Variants in KCNH1 observed in about 807,000 individuals in gnomAD.
KCNH1 encodes the protein voltage-gated delayed rectifier potassium channel KCNH1.
A neutral mutation model predicts 69.2 loss-of-function variants in KCNH1; 27 were observed. That is an observed-to-expected ratio of 0.39 (90% confidence interval 0.29 to 0.54). The LOEUF (loss-of-function observed/expected upper bound fraction) is 0.54. KCNH1 is among the 20% of genes least tolerant of loss of function. KCNH1 has a pLI of 0.68. For synonymous variants in KCNH1, 456 were observed against 487.7 expected (o/e 0.93, Z 0.86); for missense variants, 798 against 1,261.6 (o/e 0.63, Z 5.57).
At chr1:210,832,921 T>TATATACAC (rs10693882) in intron 7 of KCNH1, among the ~76,000 whole-genome samples, 1 of 144,228 alleles carries the variant, frequency 6.9e-6, no homozygotes, top group African/African-American at 2.5e-5. Context: ...TATATATATA[T>TATATACAC]ACATATAAAT....
chr1:210,757,758 T>C (rs1461346001), intron 10 of KCNH1, among the ~76,000 whole-genome samples: 2 of 152,232 alleles, frequency 1.3e-5, no homozygotes, highest in Non-Finnish European at 2.9e-5. Context: ...GCTCCATTGT[T>C]TAATTATGCA....
chr1:210,998,984 T>C (rs1689110411), intron 6 of KCNH1, among the ~76,000 whole-genome samples: 1 of 152,164 alleles, frequency 6.6e-6, no homozygotes, highest in Non-Finnish European at 1.5e-5. Context: ...AGACACAACA[T>C]ACCAGAATCT....
At chr1:210,955,273 G>T (rs556440662) in intron 6 of KCNH1, among the ~76,000 whole-genome samples, 26 of 152,254 alleles carry the variant, frequency 1.7e-4, no homozygotes, top group African/African-American at 6.3e-4. Flanking sequence ...ATCTGCTTTG[G>T]TACCAGAAGC....
intron 9 of KCNH1, among the ~76,000 whole-genome samples, chr1:210,789,135 C>T (rs1246683568): frequency 6.6e-6 from 1 of 152,152 alleles, no homozygotes; most frequent in Non-Finnish European, 1.5e-5. Flanking sequence ...GAGCAAACAA[C>T]ATTATTATAT....
chr1:210,843,246 G>T (rs754408612), intron 7 of KCNH1, among the ~76,000 whole-genome samples: 10 of 152,132 alleles, frequency 6.6e-5, no homozygotes, highest in South Asian at 4.1e-4. Flanking sequence ...TGGGAGTGGC[G>T]CTTCTAGACC....
intron 5 of KCNH1, among the ~76,000 whole-genome samples, chr1:211,027,040 C>A (rs773610512): frequency 2.2e-4 from 34 of 152,052 alleles, no homozygotes; most frequent in Non-Finnish European, 3.2e-4. Flanking sequence ...GCCAAACTTT[C>A]AATAAAAAAT....
chr1:211,069,395 G>A (rs1412627676), intron 5 of KCNH1, among the ~76,000 whole-genome samples: 1 of 151,598 alleles, frequency 6.6e-6, no homozygotes, highest in East Asian at 1.9e-4. Flanking sequence ...ACAGTTTGAA[G>A]AGACAGAGTA....
intron 7 of KCNH1, among the ~76,000 whole-genome samples, chr1:210,881,835 C>T (rs1374178559): frequency 6.6e-6 from 1 of 152,132 alleles, no homozygotes; most frequent in African/African-American, 2.4e-5. Flanking sequence ...AAAGGCTAAA[C>T]TACGGAGACA....
At chr1:210,942,043 G>A (rs1367707576) in intron 6 of KCNH1, among the ~76,000 whole-genome samples, 3 of 152,168 alleles carry the variant, frequency 2.0e-5, no homozygotes, top group Non-Finnish European at 4.4e-5. Context: ...GCCTTCTGAG[G>A]ATAAATCTCT....
intron 10 of KCNH1, among the ~76,000 whole-genome samples, chr1:210,717,676 C>T (rs1044609553): frequency 2.6e-5 from 4 of 152,130 alleles, no homozygotes; most frequent in Admixed American, 6.6e-5. Flanking sequence ...TTCTACAGAC[C>T]GGATCTGAGG....
At chr1:210,845,296 T>C (rs938241242) in intron 7 of KCNH1, among the ~76,000 whole-genome samples, 17 of 152,150 alleles carry the variant, frequency 1.1e-4, no homozygotes, top group African/African-American at 4.1e-4. Context: ...TTTAGACCAA[T>C]ATCCTTGATG....
At chr1:211,035,728 G>C (rs1309165375) in intron 5 of KCNH1, among the ~76,000 whole-genome samples, 1 of 152,172 alleles carries the variant, frequency 6.6e-6, no homozygotes, top group Non-Finnish European at 1.5e-5. Flanking sequence ...ACAGAAGATG[G>C]AAATTCCATG....
intron 7 of KCNH1, among the ~76,000 whole-genome samples, chr1:210,870,939 T>C (rs1030684504): frequency 6.6e-6 from 1 of 152,190 alleles, no homozygotes; most frequent in Non-Finnish European, 1.5e-5. Context: ...ACTTATTAGC[T>C]GGATAGCCCC....
intron 8 of KCNH1, among the ~76,000 whole-genome samples, chr1:210,798,261 G>T (rs1777246): frequency 0.011 from 1,628 of 151,884 alleles, 14 homozygotes; most frequent in South Asian, 0.025. Context: ...GGATGGTCTC[G>T]ATCTCCTGAC....
At chr1:210,901,016 T>C (rs990363156) in intron 7 of KCNH1, among the ~76,000 whole-genome samples, 16 of 152,134 alleles carry the variant, frequency 1.1e-4, no homozygotes, top group Admixed American at 7.2e-4. Flanking sequence ...ACCTAACAGA[T>C]GCTACATGCC....
chr1:211,116,085 A>C (rs1691576243), intron 1 of KCNH1, among the ~76,000 whole-genome samples: 1 of 152,094 alleles, frequency 6.6e-6, no homozygotes, highest in Non-Finnish European at 1.5e-5. Context: ...GCAGTGAGCT[A>C]TGAGCATGCC....
At chr1:210,819,110 A>G (rs1344450808) in intron 7 of KCNH1, among the ~76,000 whole-genome samples, 1 of 152,202 alleles carries the variant, frequency 6.6e-6, no homozygotes, top group Non-Finnish European at 1.5e-5. Flanking sequence ...AGGCTTAGCC[A>G]AAGATGTGCT....
intron 7 of KCNH1, among the ~76,000 whole-genome samples, chr1:210,837,895 T>G (rs1289426896): frequency 1.3e-5 from 2 of 152,190 alleles, no homozygotes; most frequent in African/African-American, 2.4e-5. Flanking sequence ...TAGGTATCAT[T>G]GTTGTTATTT....
intron 6 of KCNH1, among the ~76,000 whole-genome samples, chr1:211,009,181 A>G (rs1367103800): frequency 6.6e-6 from 1 of 152,208 alleles, no homozygotes; most frequent in African/African-American, 2.4e-5. Context: ...TAACGTTGCC[A>G]ACATGGAGAA....
Sources: gnomAD v4.1 joint callset for allele counts (sites outside exome capture counted in the v4.1 genomes callset) on GRCh38, gnomAD v4.1.1 for gene constraint, MANE v1.5 for transcripts, NCBI Gene and HGNC (gene_info 2026-07-23, HGNC 2026-07-21) for gene names.